Variants in SNX3 observed in about 807,000 individuals in gnomAD.
SNX3 encodes the protein sorting nexin 3.
A neutral mutation model predicts 17.7 loss-of-function variants in SNX3; 5 were observed. The ratio of observed to expected loss-of-function variants is 0.28; its 90% confidence interval spans 0.15 to 0.59. The LOEUF is 0.59. SNX3 is among the 20% of genes least tolerant of loss of function. SNX3 has a pLI of 0.88. For synonymous variants in SNX3, 91 were observed against 76.5 expected, an observed-to-expected ratio of 1.19 and a Z score of -0.99; for missense variants, 132 against 206.8, an observed-to-expected ratio of 0.64 and a Z score of 2.22.
chr6:108,235,379 T>C (rs534834421), intron 1 of SNX3, among the ~76,000 whole-genome samples: 25 of 152,254 alleles, frequency 1.6e-4, no homozygotes, highest in Non-Finnish European at 2.8e-4. Flanking sequence ...CCCACAGATA[T>C]CAAGTGGAAC....
chr6:108,224,349 C>T (rs1451053305), intron 1 of SNX3, among the ~76,000 whole-genome samples: 5 of 152,126 alleles, frequency 3.3e-5, no homozygotes, highest in East Asian at 3.9e-4. Context: ...GGCGTGATCT[C>T]GGCTCACTGA....
intron 1 of SNX3, among the ~76,000 whole-genome samples, chr6:108,236,597 C>T (rs984854806): frequency 1.3e-5 from 2 of 150,928 alleles, no homozygotes; most frequent in East Asian, 1.9e-4. Context: ...TTTTTTTTAG[C>T]CGGGATGGTC....
Position 108,261,020 on chromosome 6 carries a change from G to C in SNX3, c.-99C>G. On this transcript the variant is annotated 5_prime_UTR_variant, in exon 1 of 4. Transcript: ENST00000230085. ...TGCCCGCCGTGGGGACACGGGGCTC[G>C]CGCGCAGCGGTCGCGAAGAGAACGA... The C allele has an allele frequency of 8.5e-7, 1 of 1,171,338 alleles. No homozygotes were observed. Among genetic ancestry groups the C allele is most frequent in the East Asian group, 3.2e-5 (1 of 31,160 alleles). 72.6% of individuals were successfully genotyped at this position (1,171,338 alleles called of 1,614,324 possible).
Position 108,260,939 on chromosome 6 carries a change from C to G in SNX3, c.-18G>C, listed in dbSNP as rs754102870. The G allele has an allele frequency of 6.5e-7, 1 of 1,547,856 alleles. No individual in the cohort carries two copies. The highest frequency in any genetic ancestry group is 1.2e-5 in the South Asian group (1 of 84,366). On this transcript the variant is annotated 5_prime_UTR_variant, in exon 1 of 4. Transcript: ENST00000230085. Reference sequence around the variant, plus strand: ...TCCGCCATTTCGCTGTAGCTGCTGCCGCCGCCGCGGGCTCCCTCCGCCCCC... The same window carrying G: ...TCCGCCATTTCGCTGTAGCTGCTGCGGCCGCCGCGGGCTCCCTCCGCCCCC...
chr6:108,260,676 C>G, intron 1 of SNX3, 84 bp downstream of exon 1: 1 of 1,519,938 alleles, frequency 6.6e-7, no homozygotes, highest in Non-Finnish European at 9.0e-7. Flanking sequence ...CTGTGGCTGC[C>G]CGCGGGGGTC....
intron 1 of SNX3, among the ~76,000 whole-genome samples, chr6:108,256,603 T>C (rs1776039136): frequency 1.3e-5 from 2 of 152,316 alleles, no homozygotes; most frequent in Non-Finnish European, 2.9e-5. Context: ...AGCTAGGAAA[T>C]GTTAAATCTA....
intron 1 of SNX3, among the ~76,000 whole-genome samples, chr6:108,240,864 C>T (rs1474145732): frequency 1.3e-5 from 2 of 151,972 alleles, no homozygotes; most frequent in Admixed American, 6.6e-5. Context: ...TGTGTGATGT[C>T]GGGCGCAGTG....
intron 1 of SNX3, among the ~76,000 whole-genome samples, chr6:108,231,043 C>T (rs217135): frequency 0.64 from 97,409 of 151,778 alleles, 31,660 homozygotes; most frequent in East Asian, 0.79. Context: ...AAGGGTGGAG[C>T]ACAGAGGCAA....
At chr6:108,212,527 G>C in intron 3 of SNX3, among the ~76,000 whole-genome samples, 1 of 151,922 alleles carries the variant, frequency 6.6e-6, no homozygotes. Flanking sequence ...TACTAGAGAC[G>C]GGGTTTCACC....
intron 1 of SNX3, among the ~76,000 whole-genome samples, chr6:108,249,535 C>T (rs892384814): frequency 6.6e-6 from 1 of 152,228 alleles, no homozygotes; most frequent in African/African-American, 2.4e-5. Flanking sequence ...AGTGTTGGCA[C>T]TGGTTTGCTG....
At chr6:108,227,103 G>C (rs914379012) in intron 1 of SNX3, among the ~76,000 whole-genome samples, 2 of 152,070 alleles carry the variant, frequency 1.3e-5, no homozygotes, top group African/African-American at 4.8e-5. Context: ...AGAAAGCACT[G>C]GATTATTTCT....
At chr6:108,213,952 TA>T (rs1488680869) in intron 3 of SNX3, among the ~76,000 whole-genome samples, 1 of 152,260 alleles carries the variant, frequency 6.6e-6, no homozygotes, top group African/African-American at 2.4e-5. Flanking sequence ...ACAAAATAGC[TA>T]TATTTCAAAT....
At chr6:108,241,194 A>G (rs1775512751) in intron 1 of SNX3, among the ~76,000 whole-genome samples, 1 of 148,924 alleles carries the variant, frequency 6.7e-6, no homozygotes, top group South Asian at 2.1e-4. Context: ...ACAAAGCTGT[A>G]TGCATGCTCA....
At chr6:108,220,962 C>G (rs1279667963) in intron 2 of SNX3, among the ~76,000 whole-genome samples, 2 of 150,492 alleles carry the variant, frequency 1.3e-5, no homozygotes, top group African/African-American at 4.9e-5. Context: ...GAGTGAGGCT[C>G]AGTCTCAAAA....
intron 2 of SNX3, chr6:108,222,266 G>A: frequency 6.1e-6 from 8 of 1,304,188 alleles, no homozygotes; most frequent in Non-Finnish European, 7.1e-6. Context: ...TCATCATTCT[G>A]AGCACACCAC....
chr6:108,225,744 A>G (rs1012770067), intron 1 of SNX3, among the ~76,000 whole-genome samples: 5 of 152,010 alleles, frequency 3.3e-5, no homozygotes, highest in Non-Finnish European at 7.4e-5. Flanking sequence ...ATCATTAAGA[A>G]TAGATTTTAG....
At position 108,214,703 on chromosome 6, in the gene SNX3, T is replaced by C. The variant is rs373108974; in HGVS notation, c.259-81A>G. ...TAGAGCACAACATGAAGACAAAGCA[T>C]GTCCTCACTATGACAGCCATCGTCC... On this transcript the variant is annotated intron_variant, in intron 2 of 3. Transcript: ENST00000230085. 40 of 1,436,184 alleles carry C rather than the reference T, an allele frequency of 2.8e-5. No homozygotes were observed. In the East Asian group the frequency reaches 3.0e-4, roughly 11 times the overall value. The allele number at this position is 1,436,184 out of a possible 1,614,324, so 89.0% of individuals were successfully genotyped here. A position where few individuals can be genotyped will look rare whatever the true frequency, so the allele number is the denominator to read the frequency against.
chr6:108,259,706 G>A (rs1776132694), intron 1 of SNX3, among the ~76,000 whole-genome samples: 1 of 152,182 alleles, frequency 6.6e-6, no homozygotes, highest in African/African-American at 2.4e-5. Context: ...TGAGCTGTAT[G>A]TACACTTAAA....
Position 108,260,790 on chromosome 6 carries a change from G to T in SNX3, c.132C>A (p.Gly44=). 6.2e-7 allele frequency: 1 copy of T among 1,613,938 alleles called. No individual in the cohort carries two copies. The highest frequency in any genetic ancestry group is 8.5e-7 in the Non-Finnish European group (1 of 1,179,864). The part of the protein sequence containing the change: ...SNPQTVGVGR[G]RFTTYEIRVK... ...CCCTGATTTCGTAAGTGGTGAAGCG[G>T]CCCCGGCCGACCCCCACCGTTTGCG... Residue 44 remains glycine (G), a synonymous_variant, in exon 1 of 4, where the codon GGC becomes GGA. Transcript: ENST00000230085.
Sources: allele counts gnomAD v4.1 joint callset (sites outside exome capture counted in the v4.1 genomes callset), GRCh38; gene constraint gnomAD v4.1.1; transcripts MANE v1.5; gene names NCBI Gene and HGNC (gene_info 2026-07-23, HGNC 2026-07-21).